Variants in LRBA observed in about 807,000 individuals in gnomAD.
LRBA encodes the protein LPS responsive beige-like anchor protein, also known as lipopolysaccharide-responsive and beige-like anchor protein.
Under a neutral mutation model 330.0 loss-of-function variants are expected in LRBA, and 176 were observed. The ratio of observed to expected loss-of-function variants is 0.53; its 90% CI spans 0.47 to 0.60. The LOEUF is 0.60. Among genes scored for constraint, LRBA ranks in the 20% least tolerant of loss-of-function variants. LRBA has a pLI of 0.00. For synonymous variants in LRBA, 1,230 were observed against 1,193.0 expected, an observed-to-expected ratio of 1.03 and a Z score of -0.64; for missense variants, 3,259 against 3,444.8, an observed-to-expected ratio of 0.95 and a Z score of 1.35.
intron 48 of LRBA, among the ~76,000 whole-genome samples, chr4:150,327,630 C>T (rs1733470391): frequency 6.6e-6 from 1 of 152,184 alleles, no homozygotes; most frequent in Admixed American, 6.5e-5. Context: ...TGACTTTAGG[C>T]AATTAGCTTA....
At chr4:150,842,885 CA>C (rs1749300327) in intron 28 of LRBA, among the ~76,000 whole-genome samples, 1 of 150,962 alleles carries the variant, frequency 6.6e-6, no homozygotes, top group Non-Finnish European at 1.5e-5. Flanking sequence ...GACAATTTTT[CA>C]ATGGACCTGT....
In LRBA at chr4:150,639,853, A is replaced by G. The variant is rs1237504378; in HGVS notation, c.5922-40722T>C. ...TATATATATATATATATATATATAT[A>G]TATATATATATATATATATTTAGAT... On this transcript the variant is annotated intron_variant, in intron 37 of 56. Transcript: ENST00000651943. 3.4e-4 allele frequency among the ~76,000 whole-genome samples: 26 copies of G among 76,322 alleles called. 1 individual carries two copies. The highest frequency in any genetic ancestry group is 9.7e-4 in the East Asian group (2 of 2,056). The allele number at this position is 76,322 out of a possible 152,430, so 50.1% of individuals were successfully genotyped here. A position where few individuals can be genotyped will look rare whatever the true frequency, so the allele number is the denominator to read the frequency against.
chr4:150,908,272 T>C, intron 11 of LRBA, 62 bp downstream of exon 11: 6 of 1,525,918 alleles, frequency 3.9e-6, no homozygotes, highest in Non-Finnish European at 2.7e-6. Flanking sequence ...AAATATTGTA[T>C]AGCTCAACAG....
chr4:150,841,027 C>T (rs1578961171), intron 28 of LRBA: 10 of 1,248,622 alleles, frequency 8.0e-6, no homozygotes, highest in Non-Finnish European at 1.0e-5. Context: ...TGATATTTTG[C>T]AGGTTCATAT....
At chr4:150,796,567 G>A (rs1435116020) in intron 34 of LRBA, among the ~76,000 whole-genome samples, 1 of 151,772 alleles carries the variant, frequency 6.6e-6, no homozygotes, top group Non-Finnish European at 1.5e-5. Flanking sequence ...GATTGCATTA[G>A]TATTAAACAG....
intron 43 of LRBA, among the ~76,000 whole-genome samples, chr4:150,470,694 C>T (rs74788583): frequency 1.0e-3 from 158 of 152,230 alleles, no homozygotes; most frequent in Non-Finnish European, 2.0e-3. Context: ...AGGCCAGAAG[C>T]CTGGAAGTCT....
chr4:150,361,672 G>A (rs1469264074), intron 47 of LRBA, among the ~76,000 whole-genome samples: 1 of 151,962 alleles, frequency 6.6e-6, no homozygotes, highest in Non-Finnish European at 1.5e-5. Context: ...TCTGCCTCTG[G>A]TATAACCCAG....
At chr4:150,885,394 G>T (rs1485626171) in intron 17 of LRBA, among the ~76,000 whole-genome samples, 2 of 152,140 alleles carry the variant, frequency 1.3e-5, no homozygotes, top group Admixed American at 1.3e-4. Flanking sequence ...GCTGAGATGG[G>T]CGGGTAATTT....
chr4:150,973,370 T>C (rs1013081757), intron 2 of LRBA, among the ~76,000 whole-genome samples: 1 of 152,172 alleles, frequency 6.6e-6, no homozygotes, highest in Non-Finnish European at 1.5e-5. Flanking sequence ...TTTCTCCATA[T>C]TGGTCAGGCT....
chr4:150,578,129 T>C (rs945192376), intron 40 of LRBA, among the ~76,000 whole-genome samples: 4 of 152,188 alleles, frequency 2.6e-5, no homozygotes, highest in African/African-American at 9.6e-5. Context: ...CAGTCAATGC[T>C]GAAGGAAAAA....
chr4:150,806,194 T>C lies in LRBA; in HGVS notation c.5518+77A>G, dbSNP rs541013960. 7.1e-6 allele frequency: 8 copies of C among 1,133,818 alleles called. No homozygotes were observed. The African/African-American group carries it at 9.7e-5, about 14-fold the overall frequency. 70.2% of individuals were successfully genotyped at this position (1,133,818 alleles called of 1,614,324 possible). On this transcript the variant is annotated intron_variant, in intron 33 of 56. Coordinates refer to ENST00000651943, the MANE Select transcript of LRBA (RefSeq NM_001364905.1). ...ACAACACTTAAACAATGAAACTCCA[T>C]GTTATTTCATTATCCATGTAAGTTT...
chr4:150,786,722 C>A (rs1468498015), intron 34 of LRBA, among the ~76,000 whole-genome samples: 1 of 152,132 alleles, frequency 6.6e-6, no homozygotes, highest in Non-Finnish European at 1.5e-5. Context: ...GTTTAAAAAA[C>A]CCTAGTCTCC....
intron 17 of LRBA, among the ~76,000 whole-genome samples, chr4:150,876,767 G>A (rs551192065): frequency 3.3e-5 from 5 of 152,228 alleles, no homozygotes; most frequent in African/African-American, 7.2e-5. Flanking sequence ...ATACATGTAC[G>A]TAGCTTGCAA....
At chr4:150,755,355 C>T (rs543929191) in intron 35 of LRBA, among the ~76,000 whole-genome samples, 49 of 152,272 alleles carry the variant, frequency 3.2e-4, no homozygotes, top group African/African-American at 1.1e-3. Context: ...AAGCAACGTG[C>T]CCAACAGTAT....
chr4:150,714,997 T>G (rs937252871), intron 36 of LRBA, among the ~76,000 whole-genome samples: 2 of 152,168 alleles, frequency 1.3e-5, no homozygotes, highest in African/African-American at 4.8e-5. Context: ...CACCAATGTA[T>G]TTGAATAATA....
At chr4:150,914,778 T>G (rs997455866) in intron 8 of LRBA, among the ~76,000 whole-genome samples, 2 of 152,164 alleles carry the variant, frequency 1.3e-5, no homozygotes, top group Non-Finnish European at 2.9e-5. Context: ...AAAACAATAC[T>G]TACATATGAG....
At position 150,388,082 on chromosome 4, in the gene LRBA, G is replaced by C. The variant is rs79526923; in HGVS notation, c.7194+27356C>G. ...AATTTCTGAAAGCTGAAAAGTCCAA[G>C]ATCAAGGTTCCCATAAGATTTGGTT... On this transcript the variant is annotated intron_variant, in intron 47 of 56. Coordinates refer to ENST00000651943, the MANE Select transcript of LRBA (RefSeq NM_001364905.1). Among the ~76,000 whole-genome samples the C allele has an allele frequency of 6.6e-3, 1,006 of 152,320 alleles. 13 individuals carry two copies. The highest frequency in any genetic ancestry group is 0.023 in the African/African-American group (940 of 41,568).
In LRBA at chr4:150,905,904, G is replaced by C. The variant is rs115894255; in HGVS notation, c.1689C>G (p.Pro563=). The change falls in exon 13 of 57, where the codon CCC becomes CCG. Residue 563 remains proline (P), a synonymous_variant. Coordinates refer to ENST00000651943, the MANE Select transcript of LRBA (RefSeq NM_001364905.1). The stretch of plus-strand genomic sequence containing the variant: ...CGTGATCACACAATTGCTTGAGCAG[G>C]GGCATCCCATTCTGCAGATTACTCA... ...KYLSNLQNGM[P]LLKQLCDHVL... 6.2e-7 allele frequency: 1 copy of C among 1,613,566 alleles called. No homozygotes were observed.
intron 37 of LRBA, among the ~76,000 whole-genome samples, chr4:150,646,661 T>G (rs1779164779): frequency 6.6e-6 from 1 of 152,078 alleles, no homozygotes; most frequent in Admixed American, 6.6e-5. Context: ...TATGCTATCT[T>G]GAAGCAAGAT....
Sources: allele counts gnomAD v4.1 joint callset (sites outside exome capture counted in the v4.1 genomes callset), GRCh38; gene constraint gnomAD v4.1.1; transcripts MANE v1.5; gene names NCBI Gene and HGNC (gene_info 2026-07-23, HGNC 2026-07-21).